The following AGBL1 variants were observed in gnomAD, a reference collection of about 807,000 sequenced individuals.
AGBL1 encodes AGBL carboxypeptidase 1.
AGBL1 carries 130 observed loss-of-function variants against 118.9 expected under a neutral mutation model. The observed-to-expected ratio is 1.09, with a 90% CI of 0.95 to 1.26. The LOEUF (loss-of-function observed/expected upper bound fraction) is 1.26, where lower values mean the gene tolerates loss of function less well. Ranked by LOEUF, AGBL1 falls within the 50% of genes most tolerant of loss-of-function variation. The pLI is 0.00. For synonymous variants in AGBL1, 555 were observed against 478.9 expected, an observed-to-expected ratio of 1.16 and a Z score of -2.08; for missense variants, 1,584 against 1,298.1, an observed-to-expected ratio of 1.22 and a Z score of -3.38.
intron 17 of AGBL1, among the ~76,000 whole-genome samples, chr15:86,355,605 ATC>A (rs2080701134): frequency 6.6e-6 from 1 of 152,166 alleles, no homozygotes; most frequent in Non-Finnish European, 1.5e-5. Context: ...ATATGTATGT[ATC>A]TGTGTTTATG....
intron 22 of AGBL1, among the ~76,000 whole-genome samples, chr15:86,831,634 G>T: frequency 6.6e-6 from 1 of 152,146 alleles, no homozygotes; most frequent in East Asian, 1.9e-4. Flanking sequence ...CATGGTCTTG[G>T]GCAGCTCTGC....
chr15:86,260,589 G>A (rs1472533198), intron 9 of AGBL1, among the ~76,000 whole-genome samples: 1 of 152,070 alleles, frequency 6.6e-6, no homozygotes, highest in Admixed American at 6.6e-5. Context: ...TGATCCGTAT[G>A]CAACATGCTA....
At chr15:86,701,017 G>T (rs925312057) in intron 22 of AGBL1, among the ~76,000 whole-genome samples, 5 of 152,160 alleles carry the variant, frequency 3.3e-5, no homozygotes, top group Non-Finnish European at 7.4e-5. Flanking sequence ...TTGCTCCAGA[G>T]CTGTGTCCTG....
chr15:86,890,169 CAT>C (rs766223393), intron 22 of AGBL1, among the ~76,000 whole-genome samples: 11 of 152,178 alleles, frequency 7.2e-5, no homozygotes, highest in South Asian at 2.1e-4. Flanking sequence ...TTTTTTTGCA[CAT>C]GTTTGTTGGC....
intron 22 of AGBL1, among the ~76,000 whole-genome samples, chr15:86,827,923 G>A (rs1188170518): frequency 5.6e-5 from 2 of 35,890 alleles, no homozygotes; most frequent in African/African-American, 7.7e-5. Context: ...ATAGTCTCTG[G>A]CACTTGATGT....
intron 18 of AGBL1, among the ~76,000 whole-genome samples, chr15:86,469,568 A>C (rs961958547): frequency 4.6e-5 from 7 of 152,136 alleles, no homozygotes; most frequent in African/African-American, 1.4e-4. Flanking sequence ...TCTTGGACAT[A>C]CTGATGTCAT....
intron 18 of AGBL1, among the ~76,000 whole-genome samples, chr15:86,493,837 C>G (rs1198140272): frequency 2.6e-5 from 4 of 152,056 alleles, no homozygotes; most frequent in Admixed American, 6.6e-5. Flanking sequence ...CAGTCCTACA[C>G]TCAAACATCC....
intron 21 of AGBL1, among the ~76,000 whole-genome samples, chr15:86,653,951 G>A (rs1233531263): frequency 1.3e-5 from 2 of 152,234 alleles, no homozygotes; most frequent in Admixed American, 1.3e-4. Flanking sequence ...GTAAATGAAA[G>A]CAGATTAGAG....
At chr15:86,294,358 C>T (rs553242723) in intron 16 of AGBL1, among the ~76,000 whole-genome samples, 2 of 141,328 alleles carry the variant, frequency 1.4e-5, no homozygotes, top group East Asian at 4.1e-4. Flanking sequence ...GAGATTGCGC[C>T]ACTGCACTCC....
intron 18 of AGBL1, among the ~76,000 whole-genome samples, chr15:86,505,208 G>T (rs2082960819): frequency 6.6e-6 from 1 of 151,720 alleles, no homozygotes; most frequent in Middle Eastern, 3.4e-3. Flanking sequence ...TTGATATTTT[G>T]GTTATTACAT....
intron 22 of AGBL1, among the ~76,000 whole-genome samples, chr15:86,816,167 T>G (rs115821227): frequency 0.012 from 1,863 of 152,264 alleles, 26 homozygotes; most frequent in Middle Eastern, 0.061. Flanking sequence ...CCTGAGAACT[T>G]GGGAACACCC....
At chr15:86,364,640 T>G (rs1324652988) in intron 17 of AGBL1, among the ~76,000 whole-genome samples, 1 of 152,176 alleles carries the variant, frequency 6.6e-6, no homozygotes, top group Admixed American at 6.6e-5. Flanking sequence ...CATTATTTAC[T>G]TTGTAATATT....
chr15:86,324,602 G>T (rs994156895), intron 17 of AGBL1, among the ~76,000 whole-genome samples: 2 of 152,190 alleles, frequency 1.3e-5, no homozygotes, highest in African/African-American at 4.8e-5. Flanking sequence ...AGAGTTTCTG[G>T]TTTTTTGACA....
chr15:86,738,379 A>G (rs1347516241), intron 22 of AGBL1, among the ~76,000 whole-genome samples: 1 of 152,046 alleles, frequency 6.6e-6, no homozygotes, highest in Non-Finnish European at 1.5e-5. Context: ...TGCCAGCCAT[A>G]GCAATCAGGC....
chr15:86,130,212 A>G (rs574339000), intron 1 of AGBL1, among the ~76,000 whole-genome samples: 1 of 151,806 alleles, frequency 6.6e-6, no homozygotes, highest in Admixed American at 6.6e-5. Flanking sequence ...GTCCTCTGAG[A>G]CTCCTGGGCA....
chr15:86,229,834 G>A (rs1459408527), intron 6 of AGBL1, among the ~76,000 whole-genome samples: 1 of 152,162 alleles, frequency 6.6e-6, no homozygotes, highest in African/African-American at 2.4e-5. Flanking sequence ...TATTAACCTT[G>A]CTGTCCAGAT....
rs112993829 is a variant in AGBL1, at chr15:86,283,769, G to A, written c.2220+3986G>A. Among the ~76,000 whole-genome samples, 137 of 152,066 alleles carry A rather than the reference G, an allele frequency of 9.0e-4. 1 individual carries two copies. Among genetic ancestry groups the A allele is most frequent in the African/African-American group, 2.4e-3 (99 of 41,486 alleles). On this transcript the variant is annotated intron_variant, in intron 16 of 22. Coordinates refer to ENST00000614907, the MANE Select transcript of AGBL1 (RefSeq NM_001386094.1). Reference sequence around the variant, plus strand: ...TAAAGGTTCTTGATGTTGAAGAGGCGAACATGGAAAGCCATTCTGAAGAAG... The same window carrying A: ...TAAAGGTTCTTGATGTTGAAGAGGCAAACATGGAAAGCCATTCTGAAGAAG...
intron 24 of AGBL1, among the ~76,000 whole-genome samples, chr15:87,006,029 G>A (rs1022345719): frequency 3.9e-5 from 6 of 152,234 alleles, no homozygotes; most frequent in Non-Finnish European, 8.8e-5. Context: ...AACAGCAAAA[G>A]TTGCTGTCTG....
At chr15:86,986,130 G>C (rs2081279868) in intron 23 of AGBL1, among the ~76,000 whole-genome samples, 1 of 152,042 alleles carries the variant, frequency 6.6e-6, no homozygotes, top group Non-Finnish European at 1.5e-5. Context: ...CGCCACGTTG[G>C]CCAGGCTGGT....
Sources: gnomAD v4.1 joint callset for allele counts (sites outside exome capture counted in the v4.1 genomes callset) on GRCh38, gnomAD v4.1.1 for gene constraint, MANE v1.5 for transcripts, NCBI Gene and HGNC (gene_info 2026-07-23, HGNC 2026-07-21) for gene names.